The following FDFT1 variants were observed in gnomAD, a reference collection of about 807,000 sequenced individuals.
The protein encoded by FDFT1 is farnesyl-diphosphate farnesyltransferase 1.
FDFT1 carries 68 observed loss-of-function variants against 46.8 expected under a neutral mutation model. The ratio of observed to expected loss-of-function variants is 1.45; its 90% CI spans 1.19 to 1.78. FDFT1 has a LOEUF of 1.78. FDFT1 is among the 40% of genes most tolerant of loss of function. The probability of loss-of-function intolerance (pLI) is 0.00; values close to 1 mark genes in which losing one functional copy is unlikely to be tolerated. For missense variants in FDFT1, 928 were observed against 524.4 expected, an observed-to-expected ratio of 1.77 and a Z score of -7.52; for synonymous variants, 351 against 185.1, an observed-to-expected ratio of 1.90 and a Z score of -7.28.
chr8:11,799,093 G>C (rs1430607322), upstream of FDFT1, among the ~76,000 whole-genome samples: 1 of 152,194 alleles, frequency 6.6e-6, no homozygotes. Context: ...TGTAATATAT[G>C]ACCCATATTC....
Position 11,814,830 on chromosome 8 carries a change from A to C in FDFT1, c.381+4980A>C, listed in dbSNP as rs1048346642. On this transcript the variant is annotated intron_variant, in intron 3 of 7. Transcript: ENST00000220584. ...GATAAAATGGTTGGCAGATCTGCTC[A>C]CTAGAATCTAAGCTCTTCAAGGGTC... 3.3e-5 allele frequency among the ~76,000 whole-genome samples: 5 copies of C among 152,076 alleles called. No homozygotes were observed. In the East Asian group the frequency reaches 7.7e-4, roughly 23 times the overall value.
chr8:11,814,922 G>C (rs1238387646), intron 3 of FDFT1, among the ~76,000 whole-genome samples: 2 of 151,940 alleles, frequency 1.3e-5, no homozygotes, highest in Non-Finnish European at 2.9e-5. Context: ...ACAACGTGCA[G>C]GTTTGTTACA....
intron 5 of FDFT1, among the ~76,000 whole-genome samples, chr8:11,829,244 G>C (rs980077870): frequency 1.1e-4 from 16 of 152,160 alleles, no homozygotes; most frequent in African/African-American, 3.9e-4. Context: ...CTATTTTTAA[G>C]TCTATTATTC....
chr8:11,819,450 C>G (rs931592303), intron 3 of FDFT1, among the ~76,000 whole-genome samples: 2 of 151,858 alleles, frequency 1.3e-5, no homozygotes, highest in Non-Finnish European at 2.9e-5. Flanking sequence ...TGTTTTGTAA[C>G]TTGGTTCCAT....
intron 5 of FDFT1, among the ~76,000 whole-genome samples, chr8:11,827,169 T>C (rs530163457): frequency 6.6e-5 from 10 of 152,212 alleles, no homozygotes; most frequent in Non-Finnish European, 1.3e-4. Context: ...AGCCAAGTAC[T>C]TTAAAGTTTT....
chr8:11,817,001 G>T (rs939998526), intron 3 of FDFT1, among the ~76,000 whole-genome samples: 10 of 152,144 alleles, frequency 6.6e-5, no homozygotes, highest in Admixed American at 5.2e-4. Flanking sequence ...TATTGGCTTT[G>T]GGTTTGTCAT....
intron 1 of FDFT1, among the ~76,000 whole-genome samples, chr8:11,806,046 T>C (rs1230685552): frequency 6.6e-6 from 1 of 152,156 alleles, no homozygotes; most frequent in East Asian, 1.9e-4. Context: ...CCTGGAGAAA[T>C]CTATTCTATT....
intron 4 of FDFT1, among the ~76,000 whole-genome samples, chr8:11,823,421 A>T (rs544633623): frequency 9.1e-4 from 138 of 152,312 alleles, no homozygotes; most frequent in Non-Finnish European, 1.8e-3. Flanking sequence ...AAGATTTTGT[A>T]TAGCTGTCCA....
intron 3 of FDFT1, among the ~76,000 whole-genome samples, chr8:11,811,357 C>G (rs1189197401): frequency 6.6e-6 from 1 of 152,152 alleles, no homozygotes; most frequent in Non-Finnish European, 1.5e-5. Flanking sequence ...CTGGACCTAG[C>G]CTCTAGAAAC....
At chr8:11,832,773 C>T (rs1232755183) in intron 7 of FDFT1, among the ~76,000 whole-genome samples, 2 of 151,948 alleles carry the variant, frequency 1.3e-5, no homozygotes, top group African/African-American at 2.4e-5. Flanking sequence ...ATGCTGTGAT[C>T]CTCAGGTGTG....
At position 11,831,818 on chromosome 8, in the gene FDFT1, A is replaced by T. The variant is rs962161885; in HGVS notation, c.1032+148A>T. The T allele has an allele frequency of 5.3e-5, 37 of 701,484 alleles. No homozygotes were observed. In the African/African-American group the frequency reaches 5.5e-4, roughly 11 times the overall value. 43.5% of individuals were successfully genotyped at this position (701,484 alleles called of 1,614,324 possible). A position where few individuals can be genotyped will look rare whatever the true frequency, so the allele number is the denominator to read the frequency against. On this transcript the variant is annotated intron_variant, in intron 7 of 7. Coordinates refer to ENST00000220584, the MANE Select transcript of FDFT1 (RefSeq NM_004462.5). ...ACAGGAATTGATATCCTTTATAAGG[A>T]AAAAAGTCTATTCACAGGAGCCGAG...
intron 4 of FDFT1, among the ~76,000 whole-genome samples, chr8:11,822,906 G>T (rs1327229337): frequency 6.6e-6 from 1 of 152,190 alleles, no homozygotes; most frequent in African/African-American, 2.4e-5. Context: ...ATTTATTCAG[G>T]AAACTTAATT....
intron 3 of FDFT1, among the ~76,000 whole-genome samples, chr8:11,818,759 G>T (rs114036433): frequency 1.3e-5 from 2 of 152,154 alleles, no homozygotes; most frequent in African/African-American, 2.4e-5. Flanking sequence ...CTGCACGTGA[G>T]ACGGGTCTCC....
chr8:11,826,338 T>A, intron 5 of FDFT1, 123 bp downstream of exon 5: 5 of 651,708 alleles, frequency 7.7e-6, no homozygotes, highest in Non-Finnish European at 1.0e-5. Context: ...CATAAGGGGA[T>A]GTGGAAAATA....
At chr8:11,834,507 G>C (rs1461951724) in intron 7 of FDFT1, among the ~76,000 whole-genome samples, 1 of 152,136 alleles carries the variant, frequency 6.6e-6, no homozygotes, top group Non-Finnish European at 1.5e-5. Context: ...TGAGCCCCAG[G>C]TGCCTAGCTG....
chr8:11,807,164 A>C (rs74632641), intron 1 of FDFT1, among the ~76,000 whole-genome samples: 1,582 of 151,998 alleles, frequency 0.01, 25 homozygotes, highest in African/African-American at 0.034. Context: ...TTTGTTTTTT[A>C]TTTTTTTGAG....
Position 11,808,788 on chromosome 8 carries a change from C to A in FDFT1, c.100-6C>A, listed in dbSNP as rs965334356. On this transcript the variant is annotated splice_polypyrimidine_tract_variant and splice_region_variant and intron_variant, in intron 1 of 7. Transcript: ENST00000220584. ...TCCCACCGCCGTGTGTGTTGTCTGC[C>A]CGCAGGACTCGCTCAGCAGCAGCCT... The A allele has an allele frequency of 1.2e-6, 2 of 1,612,832 alleles. No individual in the cohort carries two copies. The highest frequency in any genetic ancestry group is 1.1e-5 in the South Asian group (1 of 90,478).
At chr8:11,834,966 A>G (rs983897412) in intron 7 of FDFT1, among the ~76,000 whole-genome samples, 1 of 152,194 alleles carries the variant, frequency 6.6e-6, no homozygotes, top group African/African-American at 2.4e-5. Flanking sequence ...TCTACTAAAA[A>G]TACAACATTT....
intron 3 of FDFT1, among the ~76,000 whole-genome samples, chr8:11,811,794 C>G (rs183365315): frequency 1.3e-5 from 2 of 152,152 alleles, no homozygotes; most frequent in Non-Finnish European, 1.5e-5. Flanking sequence ...TGTATCCTTA[C>G]GAATATGAAG....
Sources: gnomAD v4.1 joint callset for allele counts (sites outside exome capture counted in the v4.1 genomes callset) on GRCh38, gnomAD v4.1.1 for gene constraint, MANE v1.5 for transcripts, NCBI Gene and HGNC (gene_info 2026-07-23, HGNC 2026-07-21) for gene names.